Variants in DOCK3 observed in about 807,000 individuals in gnomAD.
DOCK3 encodes the protein dedicator of cytokinesis 3.
DOCK3 carries 60 observed loss-of-function variants against 265.6 expected under a neutral mutation model. The observed-to-expected ratio is 0.23, with a 90% confidence interval of 0.18 to 0.28. The LOEUF (loss-of-function observed/expected upper bound fraction) is 0.28. Ranked by LOEUF, DOCK3 falls within the 10% of genes least tolerant of loss-of-function variation. The probability of loss-of-function intolerance (pLI) is 1.00; values close to 1 mark genes in which losing one functional copy is unlikely to be tolerated. For synonymous variants in DOCK3, 881 were observed against 938.0 expected (o/e 0.94, Z 1.11); for missense variants, 1,981 against 2,594.3 (o/e 0.76, Z 5.14).
chr3:51,269,806 T>C (rs2080402302), intron 23 of DOCK3, among the ~76,000 whole-genome samples: 1 of 152,208 alleles, frequency 6.6e-6, no homozygotes, highest in African/African-American at 2.4e-5. Context: ...AGGCCTATTG[T>C]GTTCCAGGCA....
At chr3:51,206,943 TCA>T (rs993944670) in intron 12 of DOCK3, among the ~76,000 whole-genome samples, 17 of 152,190 alleles carry the variant, frequency 1.1e-4, no homozygotes, top group African/African-American at 3.9e-4. Context: ...TGAGTTCCTC[TCA>T]GTGAGAGGGC....
intron 1 of DOCK3, among the ~76,000 whole-genome samples, chr3:50,771,500 A>T (rs1004732442): frequency 6.6e-6 from 1 of 152,204 alleles, no homozygotes; most frequent in Non-Finnish European, 1.5e-5. Flanking sequence ...TGTTGGTGAG[A>T]ATGTCAATTA....
intron 5 of DOCK3, among the ~76,000 whole-genome samples, chr3:50,950,972 C>T (rs188044992): frequency 6.6e-6 from 1 of 152,230 alleles, no homozygotes; most frequent in Non-Finnish European, 1.5e-5. Flanking sequence ...CTCTCTCTCT[C>T]TCTCCTGTGA....
At chr3:51,133,165 T>G (rs2084637908) in intron 9 of DOCK3, among the ~76,000 whole-genome samples, 1 of 152,014 alleles carries the variant, frequency 6.6e-6, no homozygotes, top group Non-Finnish European at 1.5e-5. Context: ...CTGCTTGAGT[T>G]TTCTTTATTA....
At chr3:50,991,776 A>C (rs1355245819) in intron 5 of DOCK3, among the ~76,000 whole-genome samples, 1 of 152,174 alleles carries the variant, frequency 6.6e-6, no homozygotes, top group Admixed American at 6.5e-5. Flanking sequence ...CCAAAAAAAA[A>C]CAACAGAATA....
intron 9 of DOCK3, among the ~76,000 whole-genome samples, chr3:51,095,678 G>A (rs1297789651): frequency 6.6e-6 from 1 of 151,234 alleles, no homozygotes; most frequent in African/African-American, 2.4e-5. Context: ...CCTGTTATTT[G>A]TTTTAAAGCT....
At chr3:51,315,307 T>G (rs1399455284) in intron 32 of DOCK3, among the ~76,000 whole-genome samples, 179 bp downstream of exon 32, 1 of 152,166 alleles carries the variant, frequency 6.6e-6, no homozygotes, top group Non-Finnish European at 1.5e-5. Flanking sequence ...ATTTTCTCCA[T>G]GAAGTTAGAG....
intron 2 of DOCK3, among the ~76,000 whole-genome samples, chr3:50,790,828 T>C (rs1209871470): frequency 6.6e-6 from 1 of 152,234 alleles, no homozygotes; most frequent in Non-Finnish European, 1.5e-5. Flanking sequence ...TGGTGTGAGA[T>C]GGTATCTCAT....
chr3:51,073,058 G>A (rs1447951631), intron 6 of DOCK3, among the ~76,000 whole-genome samples: 5 of 151,886 alleles, frequency 3.3e-5, no homozygotes, highest in Non-Finnish European at 7.4e-5. Flanking sequence ...TTTTGTTGTT[G>A]TTGTTTCCTA....
At chr3:51,012,763 T>G (rs1481584860) in intron 5 of DOCK3, among the ~76,000 whole-genome samples, 1 of 152,036 alleles carries the variant, frequency 6.6e-6, no homozygotes, top group African/African-American at 2.4e-5. Flanking sequence ...TAGACTGGAG[T>G]TGTTCCTATT....
At chr3:50,894,462 G>A (rs1419697938) in intron 4 of DOCK3, among the ~76,000 whole-genome samples, 1 of 152,050 alleles carries the variant, frequency 6.6e-6, no homozygotes, top group Non-Finnish European at 1.5e-5. Context: ...TATAAAAAAT[G>A]CTGAAAGGAG....
intron 1 of DOCK3, among the ~76,000 whole-genome samples, chr3:50,752,226 T>C (rs1021640290): frequency 6.6e-6 from 1 of 152,010 alleles, no homozygotes; most frequent in African/African-American, 2.4e-5. Context: ...ACTTAGCGAC[T>C]ATAGCCAGGT....
chr3:50,684,899 A>T (rs2034672317), intron 1 of DOCK3, among the ~76,000 whole-genome samples: 1 of 152,214 alleles, frequency 6.6e-6, no homozygotes, highest in Non-Finnish European at 1.5e-5. Flanking sequence ...TTCTGATTAC[A>T]TAACGTATAT....
intron 32 of DOCK3, among the ~76,000 whole-genome samples, chr3:51,329,473 C>G (rs2084375283): frequency 6.6e-6 from 1 of 152,152 alleles, no homozygotes; most frequent in Admixed American, 6.5e-5. Context: ...CTGCTGAATG[C>G]CCTTGCAAAT....
intron 12 of DOCK3, among the ~76,000 whole-genome samples, chr3:51,198,159 C>T (rs2088441986): frequency 6.6e-6 from 1 of 152,240 alleles, no homozygotes; most frequent in Non-Finnish European, 1.5e-5. Flanking sequence ...GAAAATGATG[C>T]CTTGCTCCTC....
At chr3:50,745,338 C>G (rs963462889) in intron 1 of DOCK3, among the ~76,000 whole-genome samples, 1 of 152,068 alleles carries the variant, frequency 6.6e-6, no homozygotes, top group African/African-American at 2.4e-5. Flanking sequence ...AGCCACCGTG[C>G]CCGGTGCCTT....
chr3:50,684,582 C>G (rs1006852563), intron 1 of DOCK3, among the ~76,000 whole-genome samples: 1 of 152,150 alleles, frequency 6.6e-6, no homozygotes, highest in Non-Finnish European at 1.5e-5. Flanking sequence ...GTATGAATCC[C>G]TCTCTCTCAC....
chr3:50,726,385 T>C (rs529480069), intron 1 of DOCK3, among the ~76,000 whole-genome samples: 1 of 152,192 alleles, frequency 6.6e-6, no homozygotes, highest in South Asian at 2.1e-4. Flanking sequence ...ATAAGGACTT[T>C]GTAAAGTGTA....
intron 5 of DOCK3, among the ~76,000 whole-genome samples, chr3:50,938,398 A>G (rs1223093110): frequency 3.3e-5 from 5 of 152,144 alleles, no homozygotes; most frequent in Non-Finnish European, 5.9e-5. Flanking sequence ...ATAGAGAAGA[A>G]CTGAACAGTG....
Sources: gnomAD v4.1 joint callset for allele counts (sites outside exome capture counted in the v4.1 genomes callset) on GRCh38, gnomAD v4.1.1 for gene constraint, MANE v1.5 for transcripts, NCBI Gene and HGNC (gene_info 2026-07-23, HGNC 2026-07-21) for gene names.